The following FBN1 variants were observed in gnomAD, a reference collection of about 807,000 sequenced individuals.
FBN1 encodes the protein fibrillin 1.
In FBN1, 29 loss-of-function variants were observed where a neutral mutation model predicts 365.1. The ratio of observed to expected loss-of-function variants is 0.08; its 90% CI spans 0.06 to 0.11. The LOEUF (loss-of-function observed/expected upper bound fraction) is 0.11. Ranked by LOEUF, FBN1 falls within the 10% of genes least tolerant of loss-of-function variation. FBN1 has a pLI of 1.00. For missense variants in FBN1, 2,476 were observed against 3,703.2 expected, an observed-to-expected ratio of 0.67 and a Z score of 8.60; for synonymous variants, 1,210 against 1,270.5, an observed-to-expected ratio of 0.95 and a Z score of 1.01.
At chr15:48,555,946 C>G (rs1409415783) in intron 6 of FBN1, among the ~76,000 whole-genome samples, 1 of 152,138 alleles carries the variant, frequency 6.6e-6, no homozygotes, top group African/African-American at 2.4e-5. Context: ...AAGAAACTTT[C>G]CACTAGCTCT....
At chr15:48,486,585 G>T (rs1181312028) in intron 29 of FBN1, among the ~76,000 whole-genome samples, 1 of 152,146 alleles carries the variant, frequency 6.6e-6, no homozygotes, top group Admixed American at 6.5e-5. Flanking sequence ...ACATTCCATG[G>T]TCTTCTTTCC....
intron 18 of FBN1, among the ~76,000 whole-genome samples, chr15:48,498,622 A>C (rs1253635803): frequency 6.6e-6 from 1 of 152,212 alleles, no homozygotes; most frequent in Non-Finnish European, 1.5e-5. Context: ...TGGTTCAACT[A>C]GCCCATCATC....
intron 60 of FBN1, among the ~76,000 whole-genome samples, chr15:48,424,034 TGA>T: frequency 6.6e-6 from 1 of 152,334 alleles, no homozygotes; most frequent in Middle Eastern, 3.4e-3. Flanking sequence ...ATATATACAA[TGA>T]GAGATATTTT....
intron 9 of FBN1, among the ~76,000 whole-genome samples, chr15:48,525,274 A>G (rs2043900398): frequency 6.6e-6 from 1 of 152,098 alleles, no homozygotes; most frequent in Admixed American, 6.5e-5. Context: ...TTTAGTAGAG[A>G]CAGGGTTTCA....
rs142119874 is a variant in FBN1, at chr15:48,495,788, C to T, written c.2420-200G>A. On this transcript the variant is annotated intron_variant, in intron 20 of 65. Transcript: ENST00000316623. The stretch of plus-strand genomic sequence containing the variant: ...TAGTACATCTCTATAGTATAGAATA[C>T]GGGACTTGGCTGAATCTTTTTATTT... Among the ~76,000 whole-genome samples the T allele has an allele frequency of 4.3e-3, 649 of 152,214 alleles. 6 individuals are homozygous for T. The highest frequency in any genetic ancestry group is 6.9e-3 in the Non-Finnish European group (467 of 68,010).
intron 3 of FBN1, among the ~76,000 whole-genome samples, chr15:48,611,724 A>G (rs1191450905): frequency 1.3e-5 from 2 of 152,208 alleles, no homozygotes; most frequent in African/African-American, 4.8e-5. Flanking sequence ...GACTAATATC[A>G]TGCTGGTACC....
At position 48,488,100 on chromosome 15, in the gene FBN1, A is replaced by T; in HGVS notation, c.3337+13T>A. The T allele has an allele frequency of 6.2e-7, 1 of 1,613,734 alleles. No homozygotes were observed. Among genetic ancestry groups the T allele is most frequent in the South Asian group, 1.1e-5 (1 of 90,694 alleles). ...CTTCTCTTTCTGTGTTGATCAAATGATCCCAAACTTACCCATGCAGTTCTT... is the reference window on the plus strand; with the variant it reads ...CTTCTCTTTCTGTGTTGATCAAATGTTCCCAAACTTACCCATGCAGTTCTT... On this transcript the variant is annotated intron_variant, in intron 27 of 65. Coordinates refer to ENST00000316623, the MANE Select transcript of FBN1 (RefSeq NM_000138.5).
chr15:48,421,474 G>A, intron 62 of FBN1, 84 bp downstream of exon 62: 1 of 1,521,490 alleles, frequency 6.6e-7, no homozygotes, highest in South Asian at 1.2e-5. Context: ...ATCTCATAGA[G>A]GCTGATGATG....
At chr15:48,641,817 G>A (rs1398433050) in intron 2 of FBN1, 6 of 152,154 alleles carry the variant, frequency 3.9e-5, no homozygotes, top group Non-Finnish European at 7.4e-5. Context: ...GCAGGGCACC[G>A]TTAAAGGATT....
At chr15:48,559,951 G>A (rs2044211193) in intron 6 of FBN1, among the ~76,000 whole-genome samples, 1 of 152,124 alleles carries the variant, frequency 6.6e-6, no homozygotes, top group South Asian at 2.1e-4. Flanking sequence ...ACATGTGGAA[G>A]GCAAAACGAA....
chr15:48,610,733 C>G lies in FBN1; in HGVS notation c.341G>C (p.Arg114Thr), dbSNP rs986042040. 2 of 1,612,154 alleles carry G rather than the reference C, an allele frequency of 1.2e-6. No individual in the cohort carries two copies. Among genetic ancestry groups the G allele is most frequent in the African/African-American group, 1.3e-5 (1 of 75,008 alleles). ...SGQIAPSCGS[R>T]SIQHCNIRCM... ...TAATGACATGTTAGACTTACTGGATCTGGAGCCACAGGAAGGAGCTATCTG... is the reference window on the plus strand; with the variant it reads ...TAATGACATGTTAGACTTACTGGATGTGGAGCCACAGGAAGGAGCTATCTG... Residue 114 changes from arginine to threonine, a missense_variant, in exon 4 of 66, where the codon AGA (arginine) becomes ACA (threonine). Coordinates refer to ENST00000316623, the MANE Select transcript of FBN1 (RefSeq NM_000138.5).
rs886038766 is a variant in FBN1, at chr15:48,596,295, G to A, written c.526C>T (p.Gln176Ter). The A allele has an allele frequency of 6.2e-7, 1 of 1,613,774 alleles. No individual in the cohort carries two copies. Among genetic ancestry groups the A allele is most frequent in the Non-Finnish European group, 8.5e-7 (1 of 1,179,708 alleles). Reference sequence around the variant, plus strand: ...TAAAAACCATTACCTCTTTCACACTGGGGTCCAGTAAATCCGTAAGTGCAT... The same window carrying A: ...TAAAAACCATTACCTCTTTCACACTAGGGTCCAGTAAATCCGTAAGTGCAT... ...CACTYGFTGP[Q>*]CERDYRTGPC... Residue 176 changes from glutamine to a stop codon, truncating the protein, a stop_gained, in exon 6 of 66, where the codon CAG becomes TAG. Coordinates refer to ENST00000316623, the MANE Select transcript of FBN1 (RefSeq NM_000138.5). LOFTEE classifies it high-confidence loss of function.
At chr15:48,631,047 G>A (rs146814191) in intron 2 of FBN1, among the ~76,000 whole-genome samples, 3 of 152,096 alleles carry the variant, frequency 2.0e-5, no homozygotes, top group Non-Finnish European at 4.4e-5. Context: ...GCAGCGTATA[G>A]GAACTCTACG....
intron 8 of FBN1, 104 bp from the exon 9 acceptor site, chr15:48,526,359 A>T: frequency 7.9e-7 from 1 of 1,261,058 alleles, no homozygotes; most frequent in South Asian, 1.2e-5. Flanking sequence ...ATGTCCCTGG[A>T]AACAGCCATC....
intron 65 of FBN1, among the ~76,000 whole-genome samples, chr15:48,412,056 G>A (rs1368746154): frequency 6.6e-6 from 1 of 152,188 alleles, no homozygotes; most frequent in East Asian, 1.9e-4. Flanking sequence ...AGAGGTCTGG[G>A]TGAATATCTG....
Position 48,434,762 on chromosome 15 carries a change from C to T in FBN1, c.6497-49G>A, listed in dbSNP as rs370467209. ...CAAAACATGATGAATTGAGATAATA[C>T]CTTTTATTCTATCAGAGGATTTTAA... On this transcript the variant is annotated intron_variant, in intron 53 of 65. Transcript: ENST00000316623. 2.6e-4 allele frequency: 424 copies of T among 1,603,268 alleles called. 2 individuals carry two copies. In the Middle Eastern group the frequency reaches 5.4e-3, roughly 20 times the overall value.
At chr15:48,578,005 A>G (rs767818640) in intron 6 of FBN1, among the ~76,000 whole-genome samples, 7 of 152,220 alleles carry the variant, frequency 4.6e-5, no homozygotes, top group African/African-American at 9.6e-5. Flanking sequence ...AGTAATATTT[A>G]TCTTTATACA....
At chr15:48,419,742 C>T (rs2042925953) in intron 63 of FBN1, among the ~76,000 whole-genome samples, 4 of 152,298 alleles carry the variant, frequency 2.6e-5, no homozygotes, top group Middle Eastern at 3.4e-3. Flanking sequence ...GCAGAGCCTG[C>T]ACCCGGGAAG....
At chr15:48,505,260 A>G in intron 15 of FBN1, 113 bp from the exon 16 acceptor site, 3 of 1,286,690 alleles carry the variant, frequency 2.3e-6, no homozygotes, top group Non-Finnish European at 3.3e-6. Flanking sequence ...AATAATATGC[A>G]GCATCAGCAA....
Sources: allele counts gnomAD v4.1 joint callset (sites outside exome capture counted in the v4.1 genomes callset), GRCh38; gene constraint gnomAD v4.1.1; transcripts MANE v1.5; gene names NCBI Gene and HGNC (gene_info 2026-07-23, HGNC 2026-07-21).